MEFV: variants seen among roughly 807,000 people sequenced by gnomAD.
MEFV encodes pyrin.
Under a neutral mutation model 62.5 loss-of-function variants are expected in MEFV, and 60 were observed. That is an observed-to-expected ratio of 0.96 (90% CI 0.78 to 1.19). MEFV has a LOEUF of 1.19. Ranked by LOEUF, MEFV falls within the 50% of genes most tolerant of loss-of-function variation. MEFV has a pLI of 0.00. For synonymous variants in MEFV, 500 were observed against 415.2 expected (o/e 1.20, Z -2.48); for missense variants, 1,169 against 1,004.5 (o/e 1.16, Z -2.21).
At position 3,248,899 on chromosome 16, in the gene MEFV, C is replaced by G. The variant is rs377226366; in HGVS notation, c.1356+10G>C. ...GGGACGGATGGGCCATCAGCCACCT[C>G]TGACCTTACCAGAAAGCTCACTGCC... On this transcript the variant is annotated intron_variant, in intron 4 of 9. Transcript: ENST00000219596. 3.1e-6 allele frequency: 5 copies of G among 1,613,944 alleles called. No homozygotes were observed. In the African/African-American group the frequency reaches 6.7e-5, roughly 22 times the overall value.
At chr16:3,250,505 AGGC>A (rs1959015565) in intron 2 of MEFV, among the ~76,000 whole-genome samples, 1 of 152,036 alleles carries the variant, frequency 6.6e-6, no homozygotes, top group Non-Finnish European at 1.5e-5. Context: ...GCTACTTGGG[AGGC>A]TGAGACAGGA....
rs768541234 is a variant in MEFV at position 3,246,512 on chromosome 16, G to A, written c.1610+13C>T. 1 of 1,614,008 alleles carries A rather than the reference G, an allele frequency of 6.2e-7. No homozygotes were observed. Among genetic ancestry groups the A allele is most frequent in the South Asian group, 1.1e-5 (1 of 91,078 alleles). On this transcript the variant is annotated intron_variant, in intron 6 of 9. Transcript: ENST00000219596. Reference sequence around the variant, plus strand: ...CAAGACACCCCAGGGTACACCACAGGACCTCGCTGTACCTGTGCAAGATGT... The same window carrying A: ...CAAGACACCCCAGGGTACACCACAGAACCTCGCTGTACCTGTGCAAGATGT...
chr16:3,247,335 G>A (rs924862820), intron 4 of MEFV, 89 bp from the exon 5 acceptor site: 12 of 1,143,500 alleles, frequency 1.0e-5, no homozygotes, highest in Non-Finnish European at 1.4e-5. Context: ...CCTCCTGGAG[G>A]TGGATAAGAG....
At chr16:3,247,433 G>C in intron 4 of MEFV, 187 bp from the exon 5 acceptor site, 1 of 606,216 alleles carries the variant, frequency 1.6e-6, no homozygotes, top group Admixed American at 2.9e-5. Flanking sequence ...GAGCATGGCT[G>C]GGGCTAGCTC....
chr16:3,249,450 T>A lies in MEFV; in HGVS notation c.1241A>T (p.Glu414Val). The A allele has an allele frequency of 6.2e-7, 1 of 1,613,906 alleles. No individual in the cohort carries two copies. The highest frequency in any genetic ancestry group is 2.2e-5 in the East Asian group (1 of 44,882). Residue 414 changes from glutamate to valine, a missense_variant, in exon 3 of 10, where the codon GAG (glutamate) becomes GTG (valine). By Grantham distance (121) the Glu-to-Val change is moderately radical. Transcript: ENST00000219596. ...HQGHRVRPIE[E>V]VALEHKKKIQ... ...GCCTACCTTGTGTTCCAGGGCGACC[T>A]CCTCAATGGGGCGCACCCGGTGGCC...
At chr16:3,255,446 T>G (rs910517782) in intron 1 of MEFV, among the ~76,000 whole-genome samples, 1 of 152,068 alleles carries the variant, frequency 6.6e-6, no homozygotes, top group African/African-American at 2.4e-5. Flanking sequence ...CTTGCTCTGT[T>G]GCCCTGATGT....
rs944465148 is a variant in MEFV at position 3,246,072 on chromosome 16, G to A, written c.1610+453C>T. On this transcript the variant is annotated intron_variant, in intron 6 of 9. Coordinates refer to ENST00000219596, the MANE Select transcript of MEFV (RefSeq NM_000243.3). ...AAGAAGCCAGACACAAAAGGACACC[G>A]GGATTTTGTAAAGCTCCCAGGTGAT... 6.6e-5 allele frequency among the ~76,000 whole-genome samples: 10 copies of A among 152,154 alleles called. No individual in the cohort carries two copies. In the South Asian group the frequency reaches 1.7e-3, roughly 25 times the overall value.
rs917769808 is a variant in MEFV, at chr16:3,243,911, T to C, written c.1760-19A>G. The C allele has an allele frequency of 2.5e-6, 4 of 1,613,682 alleles. No homozygotes were observed. Among genetic ancestry groups the C allele is most frequent in the East Asian group, 2.2e-5 (1 of 44,876 alleles). The stretch of plus-strand genomic sequence containing the variant: ...TCCGGAACTACGGAGAAAAATCAGA[T>C]AGGGAAAAAAATCCTGAGCATTAGC... On this transcript the variant is annotated intron_variant, in intron 8 of 9. Coordinates refer to ENST00000219596, the MANE Select transcript of MEFV (RefSeq NM_000243.3).
Position 3,242,268 on chromosome 16 carries a change from G to A in MEFV, c.*873C>T. 5.4e-6 allele frequency: 1 copy of A among 183,930 alleles called. No homozygotes were observed. 11.4% of individuals were successfully genotyped at this position (183,930 alleles called of 1,614,324 possible). On this transcript the variant is annotated 3_prime_UTR_variant, in exon 10 of 10. Transcript: ENST00000219596. ...AATCCCAGCTACTTCGGAGGCTGAG[G>A]CAGGAGAATCTCTTGAACCTGGGAG...
chr16:3,255,403 C>T lies in MEFV; in HGVS notation c.278-613G>A, dbSNP rs117411017. The stretch of plus-strand genomic sequence containing the variant: ...ACATGCTTGATGTTGCTATGTATTT[C>T]TCTCTCTCTTATTTTATTTTTTGAG... On this transcript the variant is annotated intron_variant, in intron 1 of 9. Coordinates refer to ENST00000219596, the MANE Select transcript of MEFV (RefSeq NM_000243.3). Among the ~76,000 whole-genome samples, 46 of 152,220 alleles carry T rather than the reference C, an allele frequency of 3.0e-4. 2 individuals are homozygous for T. In the East Asian group the frequency reaches 8.9e-3, roughly 30 times the overall value.
At position 3,242,836 on chromosome 16, in the gene MEFV, G is replaced by T. The variant is rs1958876484; in HGVS notation, c.*305C>A. The stretch of plus-strand genomic sequence containing the variant: ...CCGTGGGGTTCTGAGGGAAAATGAG[G>T]GCCAAATCTTCTGTTCAGGAGCACC... On this transcript the variant is annotated 3_prime_UTR_variant, in exon 10 of 10. Transcript: ENST00000219596. 2 of 444,220 alleles carry T rather than the reference G, an allele frequency of 4.5e-6. No homozygotes were observed. Among genetic ancestry groups the T allele is most frequent in the Non-Finnish European group, 8.4e-6 (2 of 238,434 alleles). 27.5% of individuals were successfully genotyped at this position (444,220 alleles called of 1,614,324 possible). A position where few individuals can be genotyped will look rare whatever the true frequency, so the allele number is the denominator to read the frequency against.
chr16:3,249,302 G>A (rs1596354522), intron 3 of MEFV, 129 bp downstream of exon 3: 5 of 872,508 alleles, frequency 5.7e-6, no homozygotes, highest in South Asian at 4.3e-5. Flanking sequence ...TTTATATTGT[G>A]TTCTTGCCAT....
rs1023179647 is a variant in MEFV, at chr16:3,246,997, C to A, written c.1587+19G>T. 1 of 1,612,088 alleles carries A rather than the reference C, an allele frequency of 6.2e-7. No homozygotes were observed. The highest frequency in any genetic ancestry group is 1.3e-5 in the African/African-American group (1 of 74,996). The stretch of plus-strand genomic sequence containing the variant: ...ATAGGCACAGGGGACCCAAGAAAGC[C>A]GGGCCCAGGCACACCCACCTGCAGA... On this transcript the variant is annotated intron_variant, in intron 5 of 9. Transcript: ENST00000219596.
chr16:3,251,966 C>G (rs574863080), intron 2 of MEFV: 1 of 428,200 alleles, frequency 2.3e-6, no homozygotes, highest in African/African-American at 2.0e-5. Flanking sequence ...CCTGTAATCC[C>G]AGCAGTTTCG....
intron 1 of MEFV, 41 bp from the exon 2 acceptor site, chr16:3,254,831 C>G (rs753977214): frequency 1.9e-6 from 3 of 1,605,238 alleles, no homozygotes; most frequent in Non-Finnish European, 2.5e-6. Flanking sequence ...AGCTGTCCCA[C>G]GTTTAGGGCC....
At chr16:3,250,788 G>T (rs1457854343) in intron 2 of MEFV, among the ~76,000 whole-genome samples, 1 of 151,420 alleles carries the variant, frequency 6.6e-6, no homozygotes, top group Non-Finnish European at 1.5e-5. Flanking sequence ...CACTTTGGGA[G>T]GCCGAGGCGG....
intron 3 of MEFV, 21 bp downstream of exon 3, chr16:3,249,410 C>T: frequency 6.2e-7 from 1 of 1,605,376 alleles, no homozygotes; most frequent in Non-Finnish European, 8.5e-7. Flanking sequence ...AGAGAAGAGC[C>T]CACAGGCAGG....
intron 6 of MEFV, among the ~76,000 whole-genome samples, chr16:3,245,303 G>C (rs1460820764): frequency 6.6e-6 from 1 of 150,822 alleles, no homozygotes; most frequent in African/African-American, 2.4e-5. Flanking sequence ...AGAAAAGAAA[G>C]GAAGGAAGGA....
chr16:3,253,162 AAG>A (rs1959061982), intron 2 of MEFV, among the ~76,000 whole-genome samples: 1 of 152,098 alleles, frequency 6.6e-6, no homozygotes, highest in South Asian at 2.1e-4. Context: ...AAACCAGAGG[AAG>A]TTAAGATCAG....
Sources: allele counts gnomAD v4.1 joint callset (sites outside exome capture counted in the v4.1 genomes callset), GRCh38; gene constraint gnomAD v4.1.1; transcripts MANE v1.5; gene names NCBI Gene and HGNC (gene_info 2026-07-23, HGNC 2026-07-21).